LDB3: variants seen among roughly 807,000 people sequenced by gnomAD.
The protein encoded by LDB3 is LIM domain binding 3.
LDB3 carries 49 observed loss-of-function variants against 69.0 expected under a neutral mutation model. That is an observed-to-expected ratio of 0.71 (90% CI 0.56 to 0.90). The LOEUF is 0.90. Ranked by LOEUF, LDB3 falls within the 40% of genes least tolerant of loss-of-function variation. LDB3 has a pLI of 0.00. For synonymous variants in LDB3, 387 were observed against 396.2 expected, an observed-to-expected ratio of 0.98 and a Z score of 0.28; for missense variants, 928 against 974.1, an observed-to-expected ratio of 0.95 and a Z score of 0.63.
intron 12 of LDB3, among the ~76,000 whole-genome samples, 185 bp downstream of exon 12, chr10:86,719,032 A>G (rs987020318): frequency 1.3e-5 from 2 of 152,102 alleles, no homozygotes; most frequent in African/African-American, 2.4e-5. Context: ...GAAGTTAACT[A>G]TCTCCCCTGC....
chr10:86,690,070 C>A (rs1208831927), intron 5 of LDB3, among the ~76,000 whole-genome samples: 1 of 152,194 alleles, frequency 6.6e-6, no homozygotes, highest in Non-Finnish European at 1.5e-5. Flanking sequence ...TTCTTGAACC[C>A]TTGGAGCCAA....
intron 12 of LDB3, among the ~76,000 whole-genome samples, chr10:86,719,413 A>G (rs1255975661): frequency 6.6e-6 from 1 of 151,706 alleles, no homozygotes; most frequent in African/African-American, 2.4e-5. Flanking sequence ...AAAAATGTAG[A>G]TCACAAGTTG....
In LDB3 at chr10:86,692,074, A is replaced by T. The variant is rs778776188; in HGVS notation, c.859+9A>T. On this transcript the variant is annotated intron_variant, in intron 6 of 13. Coordinates refer to ENST00000361373, the MANE Select transcript of LDB3 (RefSeq NM_007078.3). ...GACGGGGACAGAATTCAGTGAGTGC[A>T]GGCTCTCAGGGTGGCTGCAGAGGAG... The T allele has an allele frequency of 6.2e-7, 1 of 1,613,866 alleles. No homozygotes were observed. The highest frequency in any genetic ancestry group is 1.7e-5 in the Admixed American group (1 of 60,014).
chr10:86,668,916 G>A (rs1466018238), intron 2 of LDB3, 132 bp downstream of exon 2: 2 of 727,378 alleles, frequency 2.7e-6, no homozygotes, highest in African/African-American at 3.5e-5. Context: ...CCTGGGACTG[G>A]CCTGGTCCTC....
At chr10:86,700,647 A>C (rs962353108) in intron 7 of LDB3, among the ~76,000 whole-genome samples, 11 of 152,110 alleles carry the variant, frequency 7.2e-5, no homozygotes, top group South Asian at 4.2e-4. Context: ...GCTCCCACCC[A>C]CCTGTGGCCT....
chr10:86,672,164 G>A (rs909761745), intron 2 of LDB3, among the ~76,000 whole-genome samples: 5 of 152,196 alleles, frequency 3.3e-5, no homozygotes, highest in African/African-American at 1.2e-4. Context: ...ACCTGTGAGA[G>A]CTCTTTCTAA....
chr10:86,716,524 T>A lies in LDB3; in HGVS notation c.1429T>A (p.Tyr477Asn). Residue 477 changes from tyrosine (Y) to asparagine (N), a missense_variant, in exon 10 of 14, where the codon TAC (tyrosine) becomes AAC (asparagine). Transcript: ENST00000361373. ...PNYNPAPSVAYSGGPAEPASR... is the reference protein window; with the variant it reads ...PNYNPAPSVANSGGPAEPASR... The stretch of plus-strand genomic sequence containing the variant: ...CTATAACCCTGCACCCTCGGTGGCC[T>A]ACAGCGGGGGCCCTGCGGAGCCTGC... 1 of 1,612,272 alleles carries A rather than the reference T, an allele frequency of 6.2e-7. No individual in the cohort carries two copies. The highest frequency in any genetic ancestry group is 8.5e-7 in the Non-Finnish European group (1 of 1,179,622).
intron 8 of LDB3, 139 bp downstream of exon 8, chr10:86,706,858 G>A: frequency 1.1e-6 from 1 of 873,018 alleles, no homozygotes; most frequent in Non-Finnish European, 1.8e-6. Flanking sequence ...AGCGCTGCTT[G>A]GTGCAGAGTG....
chr10:86,716,563 T>C lies in LDB3; in HGVS notation c.1468T>C (p.Trp490Arg), dbSNP rs1589675054. 2 of 1,613,092 alleles carry C rather than the reference T, an allele frequency of 1.2e-6. No individual in the cohort carries two copies. The highest frequency in any genetic ancestry group is 8.5e-7 in the Non-Finnish European group (1 of 1,179,830). Reference protein sequence around the residue: ...GPAEPASRPPWVTDDSFSQKF... With the variant: ...GPAEPASRPPRVTDDSFSQKF... ...TGCGGAGCCTGCCAGCCGTCCACCC[T>C]GGGTGACAGATGATAGCTTCTCCCA... Residue 490 changes from tryptophan (W) to arginine (R), a missense_variant, in exon 10 of 14, where the codon TGG becomes CGG. Physicochemically the swap from Trp to Arg is moderately radical, Grantham distance 101 (BLOSUM62 -3). Coordinates refer to ENST00000361373, the MANE Select transcript of LDB3 (RefSeq NM_007078.3).
intron 13 of LDB3, chr10:86,726,462 T>C: frequency 1.7e-6 from 1 of 599,576 alleles, no homozygotes; most frequent in Non-Finnish European, 3.0e-6. Context: ...TGTGGCTTTG[T>C]TACTTTCCAT....
In LDB3 at chr10:86,718,108, C is replaced by T. The variant is rs769236422; in HGVS notation, c.1821C>T (p.Ala607=). Residue 607 remains alanine, a synonymous_variant, in exon 11 of 14, where the codon GCC becomes GCT. Coordinates refer to ENST00000361373, the MANE Select transcript of LDB3 (RefSeq NM_007078.3). ...AGCGATGTTATGAGCAATTCTTTGC[C>T]CCGCTGTGTGCCAAGTGCAACACCA... ...YCERCYEQFF[A]PLCAKCNTKI... The T allele has an allele frequency of 5.6e-6, 9 of 1,614,138 alleles. No individual in the cohort carries two copies. The highest frequency in any genetic ancestry group is 1.3e-5 in the African/African-American group (1 of 75,020).
chr10:86,722,323 C>T (rs1030878037), intron 12 of LDB3, among the ~76,000 whole-genome samples: 8 of 151,648 alleles, frequency 5.3e-5, no homozygotes, highest in Admixed American at 4.6e-4. Context: ...TGCAGTGGCG[C>T]GATCTTGGCT....
chr10:86,677,481 G>A (rs1316238410), intron 2 of LDB3, among the ~76,000 whole-genome samples: 1 of 152,170 alleles, frequency 6.6e-6, no homozygotes, highest in Non-Finnish European at 1.5e-5. Flanking sequence ...TATTACTGGA[G>A]GCCGGGGGTG....
intron 13 of LDB3, among the ~76,000 whole-genome samples, chr10:86,726,987 A>G (rs1201338193): frequency 6.6e-6 from 1 of 151,436 alleles, no homozygotes; most frequent in East Asian, 1.9e-4. Context: ...CCCTAATGTC[A>G]ATCTGTCATT....
intron 9 of LDB3, among the ~76,000 whole-genome samples, chr10:86,712,827 G>A (rs1846717500): frequency 6.6e-6 from 1 of 152,178 alleles, no homozygotes; most frequent in Admixed American, 6.5e-5. Flanking sequence ...TTGGGAGGCC[G>A]AGGCGGGCGG....
rs1369952399 is a variant in LDB3 at position 86,668,687 on chromosome 10, C to T, written c.-5C>T. The stretch of plus-strand genomic sequence containing the variant: ...TCTGCAGAGGCGGCCGCTGACAGCA[C>T]CAGCATGTCTTACAGTGTGACCCTG... On this transcript the variant is annotated 5_prime_UTR_variant, in exon 2 of 14. Transcript: ENST00000361373. 6 of 1,612,546 alleles carry T rather than the reference C, an allele frequency of 3.7e-6. No individual in the cohort carries two copies. The South Asian group carries it at 4.4e-5, about 12-fold the overall frequency.
At position 86,668,583 on chromosome 10, in the gene LDB3, G is replaced by A. The variant is rs1589598493; in HGVS notation, c.-24+13G>A. ...AGGGACAGAACAGGCAAGGCTGGGG[G>A]TCAGGGGCAGGGGCAGAGGTGTGGA... On this transcript the variant is annotated intron_variant, in intron 1 of 13. Coordinates refer to ENST00000361373, the MANE Select transcript of LDB3 (RefSeq NM_007078.3). 2 of 895,756 alleles carry A rather than the reference G, an allele frequency of 2.2e-6. No homozygotes were observed. Among genetic ancestry groups the A allele is most frequent in the African/African-American group, 3.3e-5 (2 of 61,290 alleles). 55.5% of individuals were successfully genotyped at this position (895,756 alleles called of 1,614,324 possible).
chr10:86,728,307 G>A (rs934522541), intron 13 of LDB3, among the ~76,000 whole-genome samples: 2 of 152,202 alleles, frequency 1.3e-5, no homozygotes, highest in South Asian at 4.1e-4. Context: ...AGAGGGAATC[G>A]TGGCAAAGGT....
chr10:86,706,452 C>T, intron 7 of LDB3, 79 bp from the exon 8 acceptor site: 2 of 1,489,926 alleles, frequency 1.3e-6, no homozygotes, highest in South Asian at 1.1e-5. Flanking sequence ...CTGCTGCAGC[C>T]ACCTGCCCCC....
Sources: gnomAD v4.1 joint callset for allele counts (sites outside exome capture counted in the v4.1 genomes callset) on GRCh38, gnomAD v4.1.1 for gene constraint, MANE v1.5 for transcripts, NCBI Gene and HGNC (gene_info 2026-07-23, HGNC 2026-07-21) for gene names.